The following ME3 variants were observed in gnomAD, a reference collection of about 807,000 sequenced individuals.
The protein encoded by ME3 is malic enzyme 3.
In ME3, 48 loss-of-function variants were observed where a neutral mutation model predicts 68.9. The observed-to-expected ratio is 0.70, with a 90% CI of 0.55 to 0.89. The LOEUF (loss-of-function observed/expected upper bound fraction) is 0.89, where lower values mean the gene tolerates loss of function less well. ME3 is among the 40% of genes least tolerant of loss of function. ME3 has a pLI of 0.00. For synonymous variants in ME3, 320 were observed against 318.8 expected, an observed-to-expected ratio of 1.00 and a Z score of -0.04; for missense variants, 675 against 797.4, an observed-to-expected ratio of 0.85 and a Z score of 1.85.
intron 13 of ME3, 32 bp from the exon 14 acceptor site, chr11:86,442,951 G>T (rs750629742): frequency 6.4e-7 from 1 of 1,559,198 alleles, no homozygotes; most frequent in Non-Finnish European, 8.8e-7. Context: ...AGAGGAATAA[G>T]CTGAGTCTCT....
intron 7 of ME3, among the ~76,000 whole-genome samples, chr11:86,475,764 G>A (rs1951024258): frequency 6.6e-6 from 1 of 151,388 alleles, no homozygotes; most frequent in African/African-American, 2.4e-5. Flanking sequence ...TTCCAAGAAT[G>A]CAAGATTAAA....
At chr11:86,606,086 C>T (rs1386989015) in intron 2 of ME3, among the ~76,000 whole-genome samples, 1 of 152,150 alleles carries the variant, frequency 6.6e-6, no homozygotes, top group African/African-American at 2.4e-5. Context: ...CACCCCTCCT[C>T]CCTCCCCAAA....
At chr11:86,520,789 C>G (rs2139181172) in intron 4 of ME3, among the ~76,000 whole-genome samples, 1 of 152,292 alleles carries the variant, frequency 6.6e-6, no homozygotes, top group East Asian at 1.9e-4. Flanking sequence ...CTATTCCTTT[C>G]TCTGAATGTG....
chr11:86,525,651 T>A (rs527447448), intron 4 of ME3, among the ~76,000 whole-genome samples: 1 of 152,012 alleles, frequency 6.6e-6, no homozygotes, highest in South Asian at 2.1e-4. Context: ...TCACCTGAGG[T>A]CAGGAGTTCA....
intron 8 of ME3, among the ~76,000 whole-genome samples, chr11:86,461,563 CCATGGG>C (rs1341814038): frequency 7.9e-5 from 12 of 152,184 alleles, no homozygotes; most frequent in Admixed American, 7.2e-4. Context: ...TCAGCCAGCT[CCATGGG>C]GAGCTTGAGT....
intron 4 of ME3, among the ~76,000 whole-genome samples, chr11:86,535,469 C>T (rs1304068183): frequency 1.3e-5 from 2 of 152,194 alleles, no homozygotes; most frequent in South Asian, 4.1e-4. Context: ...AGGACATAAT[C>T]TCATTTCACT....
intron 7 of ME3, among the ~76,000 whole-genome samples, chr11:86,481,684 T>C (rs1951418657): frequency 1.3e-5 from 2 of 152,204 alleles, no homozygotes; most frequent in South Asian, 2.1e-4. Context: ...AGGCCTACTT[T>C]AGCTCTTGAA....
intron 2 of ME3, among the ~76,000 whole-genome samples, chr11:86,649,519 G>A (rs184724505): frequency 1.1e-4 from 16 of 152,242 alleles, no homozygotes; most frequent in East Asian, 5.8e-4. Context: ...AGAGGAAGTC[G>A]GATTGTCTCT....
At chr11:86,505,385 G>T (rs1265606070) in intron 5 of ME3, among the ~76,000 whole-genome samples, 1 of 152,120 alleles carries the variant, frequency 6.6e-6, no homozygotes, top group East Asian at 1.9e-4. Flanking sequence ...CCAATATTCA[G>T]AGCTCCTGGC....
At chr11:86,477,378 T>C (rs1195574938) in intron 7 of ME3, among the ~76,000 whole-genome samples, 1 of 152,226 alleles carries the variant, frequency 6.6e-6, no homozygotes, top group African/African-American at 2.4e-5. Context: ...ACCTAACTCA[T>C]ACAGTTGTTG....
At chr11:86,527,028 A>G (rs948153919) in intron 4 of ME3, among the ~76,000 whole-genome samples, 15 of 152,222 alleles carry the variant, frequency 9.9e-5, no homozygotes, top group African/African-American at 3.6e-4. Flanking sequence ...TGACTTTGAC[A>G]GGTTGAGAGA....
intron 6 of ME3, among the ~76,000 whole-genome samples, chr11:86,495,382 A>G (rs986504166): frequency 2.0e-5 from 3 of 152,190 alleles, no homozygotes; most frequent in Non-Finnish European, 2.9e-5. Flanking sequence ...ATCATTGCTG[A>G]GTGCTGGACC....
rs1311536700 is a variant in ME3, at chr11:86,458,687, A to AG, written c.919+6403dup. On this transcript the variant is annotated intron_variant, in intron 8 of 14. Coordinates refer to ENST00000543262, the Ensembl canonical transcript of ME3. The stretch of plus-strand genomic sequence containing the variant: ...AAGAGACCAGGGGAAGTTTCATGGC[A>AG]GGGGGAGAGATCAAGGAAAGGCCTA... 7.2e-5 allele frequency among the ~76,000 whole-genome samples: 11 copies of AG among 152,246 alleles called. No individual in the cohort carries two copies. The South Asian group carries it at 8.3e-4, about 12-fold the overall frequency.
chr11:86,659,700 A>C (rs1474141852), intron 2 of ME3, among the ~76,000 whole-genome samples: 6 of 152,194 alleles, frequency 3.9e-5, no homozygotes, highest in Non-Finnish European at 8.8e-5. Flanking sequence ...GCCATACCCT[A>C]TTTAGCTGGC....
chr11:86,475,935 C>G (rs191318120), intron 7 of ME3, among the ~76,000 whole-genome samples: 1 of 149,318 alleles, frequency 6.7e-6, no homozygotes, highest in African/African-American at 2.5e-5. Flanking sequence ...CAGTGACCCT[C>G]TATGCTGAGA....
Position 86,448,135 on chromosome 11 carries a change from C to T in ME3, c.1237+15G>A, listed in dbSNP as rs113925669. 10 of 1,580,148 alleles carry T rather than the reference C, an allele frequency of 6.3e-6. No individual in the cohort carries two copies. The highest frequency in any genetic ancestry group is 1.7e-4 in the Middle Eastern group (1 of 6,000). On this transcript the variant is annotated intron_variant, in intron 11 of 14. Transcript: ENST00000543262. ...GTTAGCTGGGCTGGGTAGTGGGTAC[C>T]CTCCCTCCTCCTACCTATGATGGCT...
At position 86,603,835 on chromosome 11, in the gene ME3, T is replaced by A. The variant is rs1427868571; in HGVS notation, c.184-44012A>T. Among the ~76,000 whole-genome samples, 3 of 151,470 alleles carry A rather than the reference T, an allele frequency of 2.0e-5. No individual in the cohort carries two copies. The East Asian group carries it at 5.9e-4, about 30-fold the overall frequency. On this transcript the variant is annotated intron_variant, in intron 2 of 14. Coordinates refer to ENST00000543262, the Ensembl canonical transcript of ME3. ...CTGGAAATCATCATTCTCAGTAAAC[T>A]ATCACAAGGACAAAAAACCAAGCAC... is the stretch of plus-strand genomic sequence containing the variant.
chr11:86,516,254 G>A (rs1953892314), intron 4 of ME3, among the ~76,000 whole-genome samples: 1 of 152,120 alleles, frequency 6.6e-6, no homozygotes, highest in Admixed American at 6.6e-5. Context: ...TGGTGGATAT[G>A]GCATGCTACC....
At chr11:86,458,427 G>C (rs1950055326) in intron 8 of ME3, among the ~76,000 whole-genome samples, 1 of 152,188 alleles carries the variant, frequency 6.6e-6, no homozygotes, top group South Asian at 2.1e-4. Flanking sequence ...GAGAAGATAG[G>C]GTTAGGCCTG....
Sources: gnomAD v4.1 joint callset for allele counts (sites outside exome capture counted in the v4.1 genomes callset) on GRCh38, gnomAD v4.1.1 for gene constraint, MANE v1.5 for transcripts, NCBI Gene and HGNC (gene_info 2026-07-23, HGNC 2026-07-21) for gene names.